STK33: variants seen among roughly 807,000 people sequenced by gnomAD.
STK33 encodes serine/threonine-protein kinase 33.
Under a neutral mutation model 58.0 loss-of-function variants are expected in STK33, and 52 were observed. The ratio of observed to expected loss-of-function variants is 0.90; its 90% CI spans 0.72 to 1.13. The LOEUF (loss-of-function observed/expected upper bound fraction) is 1.13, where lower values mean the gene tolerates loss of function less well. Ranked by LOEUF, STK33 falls within the 50% of genes most tolerant of loss-of-function variation. The pLI is 0.00. For missense variants in STK33, 630 were observed against 604.2 expected, an observed-to-expected ratio of 1.04 and a Z score of -0.45; for synonymous variants, 215 against 200.1, an observed-to-expected ratio of 1.07 and a Z score of -0.63.
At chr11:8,555,282 G>A (rs2140768876) in intron 1 of STK33, 2 of 152,444 alleles carry the variant, frequency 1.3e-5, no homozygotes, top group Middle Eastern at 3.4e-3. Flanking sequence ...AAAGCTGCTG[G>A]TCAAAGGGTA....
chr11:8,544,763 T>C (rs1955788981), intron 1 of STK33, among the ~76,000 whole-genome samples: 1 of 152,174 alleles, frequency 6.6e-6, no homozygotes, highest in African/African-American at 2.4e-5. Context: ...AAAATGCTTC[T>C]AGCCAAAATC....
chr11:8,523,062 G>A (rs554073923), intron 1 of STK33, among the ~76,000 whole-genome samples: 62 of 152,360 alleles, frequency 4.1e-4, no homozygotes, highest in Middle Eastern at 3.4e-3. Context: ...CTGAGCTGCC[G>A]GGATTGCAGA....
chr11:8,569,950 A>G (rs961952299), intron 1 of STK33, among the ~76,000 whole-genome samples: 3 of 152,034 alleles, frequency 2.0e-5, no homozygotes, highest in Admixed American at 2.0e-4. Flanking sequence ...CCCTGTCTCA[A>G]AAAAATAAAT....
chr11:8,527,780 A>G (rs967139705), intron 1 of STK33, among the ~76,000 whole-genome samples: 6 of 152,244 alleles, frequency 3.9e-5, no homozygotes, highest in Non-Finnish European at 8.8e-5. Flanking sequence ...AGCAATGACT[A>G]TATGAGTATT....
chr11:8,344,198 AACACACAC>A, the STK33 span, among the ~76,000 whole-genome samples: 3 of 137,228 alleles, frequency 2.2e-5, no homozygotes, highest in South Asian at 2.5e-4. Flanking sequence ...AAACAAACAA[AACACACAC>A]ACACACACAC....
At chr11:8,354,867 C>G in the STK33 span, among the ~76,000 whole-genome samples, 1 of 152,336 alleles carries the variant, frequency 6.6e-6, no homozygotes, top group African/African-American at 2.4e-5. Context: ...GCGGCTGAAG[C>G]TGAGCTTCCG....
intron 1 of STK33, among the ~76,000 whole-genome samples, chr11:8,553,407 G>A (rs1956505998): frequency 6.6e-6 from 1 of 151,644 alleles, no homozygotes; most frequent in African/African-American, 2.4e-5. Flanking sequence ...AAAAACACCT[G>A]AGTGATGTGT....
At chr11:8,454,888 G>C (rs1946667213) in intron 9 of STK33, 56 bp from the exon 10 acceptor site, 3 of 1,432,802 alleles carry the variant, frequency 2.1e-6, no homozygotes, top group Non-Finnish European at 2.8e-6. Flanking sequence ...AAATAGGAGA[G>C]ACACATATAG....
At chr11:8,420,894 G>A (rs1361811446) in intron 14 of STK33, among the ~76,000 whole-genome samples, 1 of 151,658 alleles carries the variant, frequency 6.6e-6, no homozygotes, top group Non-Finnish European at 1.5e-5. Context: ...CAGCTACCCA[G>A]GAGGCTGAGG....
At chr11:8,592,470 T>G (rs1048008131) in intron 1 of STK33, among the ~76,000 whole-genome samples, 1 of 152,214 alleles carries the variant, frequency 6.6e-6, no homozygotes, top group Admixed American at 6.5e-5. Flanking sequence ...ATAATAATGC[T>G]AATATGGGTG....
intron 1 of STK33, among the ~76,000 whole-genome samples, chr11:8,514,413 T>C (rs1380536676): frequency 6.6e-6 from 1 of 152,172 alleles, no homozygotes; most frequent in Non-Finnish European, 1.5e-5. Context: ...AAATCTGAGC[T>C]GTAAAAAATT....
intron 12 of STK33, among the ~76,000 whole-genome samples, chr11:8,439,816 C>G (rs117381436): frequency 1.0e-3 from 144 of 140,240 alleles, no homozygotes; most frequent in African/African-American, 3.8e-3. Context: ...GACACTTCTC[C>G]GTATACAAAT....
chr11:8,534,562 C>G (rs377301962), intron 1 of STK33, among the ~76,000 whole-genome samples: 1,631 of 128,880 alleles, frequency 0.013, 35 homozygotes, highest in African/African-American at 0.043. Flanking sequence ...CTCTCTCTCT[C>G]TCTCTCTGTG....
chr11:8,395,312 G>A (rs1010576798), intron 15 of STK33, among the ~76,000 whole-genome samples: 6 of 152,154 alleles, frequency 3.9e-5, no homozygotes, highest in Non-Finnish European at 7.3e-5. Context: ...AAATCTGATG[G>A]TTTTATAAAG....
chr11:8,504,909 C>T (rs995821163), intron 1 of STK33, among the ~76,000 whole-genome samples: 3 of 152,176 alleles, frequency 2.0e-5, no homozygotes, highest in Non-Finnish European at 4.4e-5. Flanking sequence ...ACAGTTTATG[C>T]TGCAATCTTG....
intron 1 of STK33, among the ~76,000 whole-genome samples, chr11:8,508,347 C>A (rs1172099632): frequency 7.0e-6 from 1 of 143,860 alleles, no homozygotes; most frequent in African/African-American, 2.6e-5. Context: ...TAGTTCACTG[C>A]AGCCTCGAAC....
intron 1 of STK33, among the ~76,000 whole-genome samples, chr11:8,514,343 C>G (rs750479064): frequency 2.0e-5 from 3 of 152,088 alleles, no homozygotes; most frequent in Non-Finnish European, 2.9e-5. Context: ...ACAGATTAAA[C>G]CTTTGTGGGT....
At chr11:8,353,857 G>A in the STK33 span, among the ~76,000 whole-genome samples, 1 of 152,152 alleles carries the variant, frequency 6.6e-6, no homozygotes, top group African/African-American at 2.4e-5. Flanking sequence ...CCCAGATCCA[G>A]GCCATTTGGA....
At position 8,474,982 on chromosome 11, in the gene STK33, A is replaced by C; in HGVS notation, c.-77T>G. 7.2e-7 allele frequency: 1 copy of C among 1,380,498 alleles called. No individual in the cohort carries two copies. The highest frequency in any genetic ancestry group is 9.8e-7 in the Non-Finnish European group (1 of 1,020,290). 85.5% of individuals were successfully genotyped at this position (1,380,498 alleles called of 1,614,324 possible). Reference sequence around the variant, plus strand: ...GAAGAAAACCAGGCCAAAAAGGATAAGGTAGTTGATGGTGAAAACTGTAAT... The same window carrying C: ...GAAGAAAACCAGGCCAAAAAGGATACGGTAGTTGATGGTGAAAACTGTAAT... On this transcript the variant is annotated 5_prime_UTR_variant, in exon 5 of 16. Coordinates refer to ENST00000687296, the MANE Select transcript of STK33 (RefSeq NM_001352389.2).
Sources: gnomAD v4.1 joint callset for allele counts (sites outside exome capture counted in the v4.1 genomes callset) on GRCh38, gnomAD v4.1.1 for gene constraint, MANE v1.5 for transcripts, NCBI Gene and HGNC (gene_info 2026-07-23, HGNC 2026-07-21) for gene names.